Variants in DNM3 observed in about 807,000 individuals in gnomAD.
DNM3 encodes the protein dynamin-3.
Under a neutral mutation model 101.6 loss-of-function variants are expected in DNM3, and 47 were observed. The ratio of observed to expected loss-of-function variants is 0.46; its 90% CI spans 0.37 to 0.59. The LOEUF (loss-of-function observed/expected upper bound fraction) is 0.59. Ranked by LOEUF, DNM3 falls within the 20% of genes least tolerant of loss-of-function variation. The pLI, the probability that DNM3 is intolerant of heterozygous loss-of-function variation, is 0.00. For missense variants in DNM3, 849 were observed against 1,085.7 expected, an observed-to-expected ratio of 0.78 and a Z score of 3.06; for synonymous variants, 385 against 387.9, an observed-to-expected ratio of 0.99 and a Z score of 0.09.
chr1:172,159,232 G>A (rs1421146139), intron 14 of DNM3, among the ~76,000 whole-genome samples: 4 of 151,990 alleles, frequency 2.6e-5, no homozygotes, highest in African/African-American at 9.7e-5. Context: ...AAAAGAACAA[G>A]CATTACCTGT....
chr1:171,962,977 G>A (rs550591546), intron 2 of DNM3, among the ~76,000 whole-genome samples: 43 of 152,248 alleles, frequency 2.8e-4, no homozygotes, highest in African/African-American at 9.6e-4. Context: ...AGACAGTTCA[G>A]CGGTTTCTTA....
chr1:172,115,362 G>A (rs569661282), intron 13 of DNM3, among the ~76,000 whole-genome samples: 1 of 151,972 alleles, frequency 6.6e-6, no homozygotes, highest in African/African-American at 2.4e-5. Context: ...TCTCACCTGG[G>A]TTATTGGCCT....
At chr1:172,075,995 A>G (rs2052616411) in intron 11 of DNM3, among the ~76,000 whole-genome samples, 1 of 152,162 alleles carries the variant, frequency 6.6e-6, no homozygotes, top group African/African-American at 2.4e-5. Context: ...TTCCTTGAGC[A>G]GTGGTTTGTA....
intron 13 of DNM3, among the ~76,000 whole-genome samples, chr1:172,124,450 A>T (rs2056508654): frequency 6.6e-6 from 1 of 152,168 alleles, no homozygotes; most frequent in Admixed American, 6.6e-5. Context: ...TCCATACAGC[A>T]TATTCAAAAC....
intron 12 of DNM3, among the ~76,000 whole-genome samples, chr1:172,085,940 C>A (rs1203683978): frequency 2.0e-5 from 3 of 151,932 alleles, no homozygotes; most frequent in African/African-American, 7.3e-5. Context: ...TAAAAAGATC[C>A]TTTTTTTGAC....
At chr1:172,229,150 A>T (rs1396355753) in intron 14 of DNM3, among the ~76,000 whole-genome samples, 1 of 152,178 alleles carries the variant, frequency 6.6e-6, no homozygotes, top group Non-Finnish European at 1.5e-5. Flanking sequence ...CATCTGGGAA[A>T]TCAATGAGTA....
chr1:171,841,679 A>T lies in DNM3; in HGVS notation c.23A>T (p.Glu8Val). 1 of 1,611,706 alleles carries T rather than the reference A, an allele frequency of 6.2e-7. No individual in the cohort carries two copies. Among genetic ancestry groups the T allele is most frequent in the Non-Finnish European group, 8.5e-7 (1 of 1,179,212 alleles). The change falls in exon 1 of 21, where the codon GAG becomes GTG. Residue 8 changes from glutamate to valine, a missense_variant. By Grantham distance (121) the Glu-to-Val change is moderately radical. Around this residue, in one of 5 missense-constraint regions of DNM3, gnomAD observed 388 missense variants for 483.0 expected, o/e 0.80. Coordinates refer to ENST00000627582, the MANE Select transcript of DNM3 (RefSeq NM_015569.5). Reference protein sequence around the residue: MGNREMEELIPLVNRLQD... With the variant: MGNREMEVLIPLVNRLQD... ...AAGATGGGGAACCGGGAGATGGAGG[A>T]GCTGATCCCGCTGGTGAACCGTCTG...
intron 13 of DNM3, among the ~76,000 whole-genome samples, 154 bp from the exon 14 acceptor site, chr1:172,131,021 T>G (rs927577685): frequency 6.6e-6 from 1 of 152,186 alleles, no homozygotes; most frequent in Non-Finnish European, 1.5e-5. Flanking sequence ...GGAAGATAAA[T>G]TCTCTTGAAT....
intron 14 of DNM3, among the ~76,000 whole-genome samples, chr1:172,177,280 C>A (rs914225038): frequency 2.0e-5 from 3 of 151,520 alleles, no homozygotes; most frequent in Non-Finnish European, 4.4e-5. Flanking sequence ...AGAGAGACAC[C>A]ACATTCACGT....
chr1:172,371,091 C>T (rs901215115), intron 17 of DNM3, among the ~76,000 whole-genome samples: 2 of 151,944 alleles, frequency 1.3e-5, no homozygotes, highest in African/African-American at 4.8e-5. Flanking sequence ...ATGCTCTATT[C>T]TTTTTCTAGC....
intron 11 of DNM3, among the ~76,000 whole-genome samples, chr1:172,073,803 A>G (rs2052413251): frequency 6.6e-6 from 1 of 152,204 alleles, no homozygotes; most frequent in Non-Finnish European, 1.5e-5. Context: ...AGCATCCTGG[A>G]AAGAGACAGG....
At chr1:171,937,611 T>C (rs886619923) in intron 2 of DNM3, among the ~76,000 whole-genome samples, 3 of 152,114 alleles carry the variant, frequency 2.0e-5, no homozygotes, top group Non-Finnish European at 4.4e-5. Context: ...ACTCTGTCAC[T>C]CAGGCTGGAG....
At chr1:172,072,563 T>C (rs1254855113) in intron 11 of DNM3, among the ~76,000 whole-genome samples, 1 of 152,166 alleles carries the variant, frequency 6.6e-6, no homozygotes, top group Non-Finnish European at 1.5e-5. Flanking sequence ...TATATATATG[T>C]ATATGTGAGA....
intron 2 of DNM3, among the ~76,000 whole-genome samples, chr1:171,961,184 G>T (rs985157684): frequency 2.0e-5 from 3 of 152,106 alleles, no homozygotes; most frequent in African/African-American, 7.2e-5. Flanking sequence ...GCGATGGAGG[G>T]ATGTTGGTAC....
At chr1:172,275,783 T>C (rs1332701290) in intron 15 of DNM3, among the ~76,000 whole-genome samples, 1 of 152,116 alleles carries the variant, frequency 6.6e-6, no homozygotes, top group Non-Finnish European at 1.5e-5. Context: ...ACATCATCTA[T>C]TATTAAAAGA....
At chr1:172,004,115 G>A (rs188597690) in intron 4 of DNM3, among the ~76,000 whole-genome samples, 1 of 152,058 alleles carries the variant, frequency 6.6e-6, no homozygotes. Flanking sequence ...AAGACAGACT[G>A]TGAAATACTT....
chr1:171,857,362 ATGG>A (rs1251317302), intron 1 of DNM3, among the ~76,000 whole-genome samples: 12 of 152,162 alleles, frequency 7.9e-5, no homozygotes, highest in Non-Finnish European at 1.5e-4. Flanking sequence ...GTGATTACAA[ATGG>A]TGAGTGACAG....
intron 4 of DNM3, among the ~76,000 whole-genome samples, chr1:171,998,891 A>G (rs1426593445): frequency 6.6e-6 from 1 of 152,094 alleles, no homozygotes; most frequent in Non-Finnish European, 1.5e-5. Context: ...CTGGCTTGAC[A>G]TGTTGAGGAA....
At chr1:172,058,604 A>G (rs950210827) in intron 10 of DNM3, among the ~76,000 whole-genome samples, 6 of 152,246 alleles carry the variant, frequency 3.9e-5, no homozygotes, top group African/African-American at 1.2e-4. Context: ...TACTGGGTAC[A>G]TAACGAAATG....
Sources: allele counts gnomAD v4.1 joint callset (sites outside exome capture counted in the v4.1 genomes callset), GRCh38; gene constraint gnomAD v4.1.1; regional missense constraint gnomAD v4.1.1; transcripts MANE v1.5; gene names NCBI Gene and HGNC (gene_info 2026-07-23, HGNC 2026-07-21).